ARHGAP26: variants seen among roughly 807,000 people sequenced by gnomAD.
The protein encoded by ARHGAP26 is rho GTPase-activating protein 26.
A neutral mutation model predicts 104.8 loss-of-function variants in ARHGAP26; 38 were observed. The observed-to-expected ratio is 0.36, with a 90% CI of 0.28 to 0.48. ARHGAP26 has a LOEUF of 0.48. Among genes scored for constraint, ARHGAP26 ranks in the 20% least tolerant of loss-of-function variants. The pLI is 0.99. For synonymous variants in ARHGAP26, 341 were observed against 340.0 expected (o/e 1.00, Z -0.03); for missense variants, 704 against 947.9 (o/e 0.74, Z 3.38).
intron 22 of ARHGAP26, chr5:143,216,894 G>GA (rs1810425281): frequency 6.6e-6 from 1 of 152,390 alleles, no homozygotes; most frequent in African/African-American, 2.4e-5. Context: ...TTTTCCAGAG[G>GA]AAAATGCTTA....
intron 1 of ARHGAP26, among the ~76,000 whole-genome samples, chr5:142,811,783 A>T (rs1169494585): frequency 6.6e-6 from 1 of 152,202 alleles, no homozygotes; most frequent in Non-Finnish European, 1.5e-5. Context: ...TTCACTTATG[A>T]TACTCTTGTG....
intron 17 of ARHGAP26, among the ~76,000 whole-genome samples, chr5:143,114,083 C>T (rs561159824): frequency 2.6e-5 from 4 of 152,296 alleles, no homozygotes; most frequent in South Asian, 4.1e-4. Flanking sequence ...AAAGGGTTCT[C>T]CTGTTAGGAG....
At chr5:142,775,442 T>C (rs765620875) in intron 1 of ARHGAP26, among the ~76,000 whole-genome samples, 2 of 152,240 alleles carry the variant, frequency 1.3e-5, no homozygotes, top group African/African-American at 4.8e-5. Flanking sequence ...CCATTTTTAT[T>C]TGGGTTATTT....
At chr5:142,841,489 T>C (rs1002820391) in intron 1 of ARHGAP26, among the ~76,000 whole-genome samples, 4 of 152,236 alleles carry the variant, frequency 2.6e-5, no homozygotes, top group Admixed American at 1.3e-4. Context: ...TATTGAATCC[T>C]TGGAGCCTTC....
chr5:143,019,701 A>C (rs926656843), intron 12 of ARHGAP26, among the ~76,000 whole-genome samples: 1 of 152,222 alleles, frequency 6.6e-6, no homozygotes, highest in Non-Finnish European at 1.5e-5. Context: ...AGGCTCTTAC[A>C]GTGTGAGTTG....
chr5:142,999,770 A>G (rs6580264), intron 11 of ARHGAP26, among the ~76,000 whole-genome samples: 14,605 of 152,236 alleles, frequency 0.096, 1,285 homozygotes, highest in African/African-American at 0.23. Flanking sequence ...AACATGAAAA[A>G]AAATTGACTT....
chr5:142,965,401 C>T (rs1309529691), intron 11 of ARHGAP26, among the ~76,000 whole-genome samples: 2 of 152,154 alleles, frequency 1.3e-5, no homozygotes, highest in East Asian at 1.9e-4. Context: ...TTTTTGATAC[C>T]GCTAGACCAC....
At chr5:143,024,662 TTA>T (rs1169185235) in intron 12 of ARHGAP26, among the ~76,000 whole-genome samples, 1 of 152,092 alleles carries the variant, frequency 6.6e-6, no homozygotes, top group Non-Finnish European at 1.5e-5. Flanking sequence ...TTGATATACG[TTA>T]TGTCATTTGA....
At chr5:143,214,140 G>A in intron 22 of ARHGAP26, 52 bp downstream of exon 22, 1 of 421,944 alleles carries the variant, frequency 2.4e-6, no homozygotes, top group Non-Finnish European at 5.0e-6. Context: ...GGGGCAAGGG[G>A]AGCACATAAA....
intron 18 of ARHGAP26, among the ~76,000 whole-genome samples, chr5:143,133,084 A>G (rs1313498773): frequency 6.6e-6 from 1 of 152,202 alleles, no homozygotes; most frequent in Non-Finnish European, 1.5e-5. Context: ...TAAGCACCAT[A>G]TAAGTATTAG....
chr5:143,163,418 TAGA>T (rs1208127436), intron 20 of ARHGAP26, among the ~76,000 whole-genome samples: 4 of 150,722 alleles, frequency 2.7e-5, no homozygotes, highest in Non-Finnish European at 5.9e-5. Context: ...GTGAGTTGGG[TAGA>T]AGGAGTTCTA....
intron 14 of ARHGAP26, among the ~76,000 whole-genome samples, chr5:143,048,218 A>G (rs759637534): frequency 2.0e-5 from 3 of 152,022 alleles, no homozygotes; most frequent in Non-Finnish European, 4.4e-5. Context: ...GTTTTGTAAG[A>G]TTATTATTTG....
At chr5:142,886,760 A>G (rs1029568295) in intron 5 of ARHGAP26, among the ~76,000 whole-genome samples, 1 of 152,208 alleles carries the variant, frequency 6.6e-6, no homozygotes, top group African/African-American at 2.4e-5. Context: ...TACAAAGGCT[A>G]TCCCAACTTG....
At chr5:143,033,102 C>T (rs1402613290) in intron 12 of ARHGAP26, among the ~76,000 whole-genome samples, 2 of 152,202 alleles carry the variant, frequency 1.3e-5, no homozygotes, top group Non-Finnish European at 2.9e-5. Context: ...TTATCTTGAG[C>T]TCATAATGTT....
At position 142,792,242 on chromosome 5, in the gene ARHGAP26, T is replaced by C. The variant is rs182139651; in HGVS notation, c.154+21327T>C. Among the ~76,000 whole-genome samples, 280 of 152,320 alleles carry C rather than the reference T, an allele frequency of 1.8e-3. 3 individuals carry two copies. Among genetic ancestry groups the C allele is most frequent in the African/African-American group, 6.4e-3 (268 of 41,578 alleles). ...TAGTGACCTTTTGCAGGATTTAATATCAGTTCATTTGGATAGTTCCACATG... is the reference window on the plus strand; with the variant it reads ...TAGTGACCTTTTGCAGGATTTAATACCAGTTCATTTGGATAGTTCCACATG... On this transcript the variant is annotated intron_variant, in intron 1 of 22. Transcript: ENST00000645722.
chr5:143,067,351 G>C (rs1787646490), intron 17 of ARHGAP26, among the ~76,000 whole-genome samples: 1 of 152,122 alleles, frequency 6.6e-6, no homozygotes, highest in African/African-American at 2.4e-5. Flanking sequence ...CCCCCTGGGA[G>C]CAGTCTTCAC....
Position 142,798,352 on chromosome 5 carries a change from C to T in ARHGAP26, c.154+27437C>T, listed in dbSNP as rs149563364. Reference sequence around the variant, plus strand: ...AGTGCCCTCTGATGCAGCATTCCTCCGCTTCCCTTCACCTCTTCCTCCTTT... The same window carrying T: ...AGTGCCCTCTGATGCAGCATTCCTCTGCTTCCCTTCACCTCTTCCTCCTTT... On this transcript the variant is annotated intron_variant, in intron 1 of 22. Transcript: ENST00000645722. 8.5e-5 allele frequency among the ~76,000 whole-genome samples: 13 copies of T among 152,296 alleles called. No individual in the cohort carries two copies. In the East Asian group the frequency reaches 1.7e-3, roughly 20 times the overall value.
chr5:143,042,382 C>T (rs557989597), intron 14 of ARHGAP26, among the ~76,000 whole-genome samples: 12 of 152,338 alleles, frequency 7.9e-5, no homozygotes, highest in Admixed American at 7.2e-4. Flanking sequence ...TTCTGATCCT[C>T]TTTGCTTCTA....
intron 11 of ARHGAP26, among the ~76,000 whole-genome samples, chr5:142,933,464 A>G (rs1029083339): frequency 6.6e-6 from 1 of 152,202 alleles, no homozygotes; most frequent in African/African-American, 2.4e-5. Context: ...CTAGGTTGCT[A>G]TTAACAGAGA....
Sources: gnomAD v4.1 joint callset for allele counts (sites outside exome capture counted in the v4.1 genomes callset) on GRCh38, gnomAD v4.1.1 for gene constraint, MANE v1.5 for transcripts, NCBI Gene and HGNC (gene_info 2026-07-23, HGNC 2026-07-21) for gene names.